ENY2: variants seen among roughly 807,000 people sequenced by gnomAD.
ENY2 encodes transcription and mRNA export factor ENY2.
ENY2 carries 4 observed loss-of-function variants against 15.9 expected under a neutral mutation model. The ratio of observed to expected loss-of-function variants is 0.25; its 90% CI spans 0.12 to 0.57. The LOEUF (loss-of-function observed/expected upper bound fraction) is 0.57. Ranked by LOEUF, ENY2 falls within the 20% of genes least tolerant of loss-of-function variation. The pLI is 0.91. For missense variants in ENY2, 54 were observed against 117.2 expected, an observed-to-expected ratio of 0.46 and a Z score of 2.49; for synonymous variants, 48 against 38.0, an observed-to-expected ratio of 1.26 and a Z score of -0.97.
At position 109,345,618 on chromosome 8, in the gene ENY2, A is replaced by G. The variant is rs928520406; in HGVS notation, c.*2137A>G. 1 of 151,696 alleles carries G rather than the reference A, an allele frequency of 6.6e-6. No individual in the cohort carries two copies. The highest frequency in any genetic ancestry group is 1.5e-5 in the Non-Finnish European group (1 of 68,032). The allele number at this position is 151,696 out of a possible 1,614,324, so 9.4% of individuals were successfully genotyped here. A position where few individuals can be genotyped will look rare whatever the true frequency, so the allele number is the denominator to read the frequency against. The stretch of plus-strand genomic sequence containing the variant: ...ACCTATTATCACAATGAAAACAATC[A>G]TAAATAGTACACAGGAAAGGTGAGA... On this transcript the variant is annotated 3_prime_UTR_variant, in exon 5 of 5. Coordinates refer to ENST00000521688, the MANE Select transcript of ENY2 (RefSeq NM_020189.6).
intron 2 of ENY2, 24 bp from the exon 3 acceptor site, chr8:109,339,296 T>A (rs759929832): frequency 6.2e-7 from 1 of 1,609,866 alleles, no homozygotes; most frequent in South Asian, 1.1e-5. Flanking sequence ...ATTGTTCAAT[T>A]TGAAAACACT....
At chr8:109,334,821 G>A (rs1275190041) in intron 1 of ENY2, 2 of 377,724 alleles carry the variant, frequency 5.3e-6, no homozygotes, top group East Asian at 1.0e-4. Flanking sequence ...ACGAGATCAA[G>A]TTCAATATTC....
At chr8:109,335,819 C>A in intron 1 of ENY2, 1 of 197,418 alleles carries the variant, frequency 5.1e-6, no homozygotes, top group East Asian at 1.1e-4. Context: ...CAAATTTTGC[C>A]TTTCCACTTT....
chr8:109,343,315 G>A, intron 4 of ENY2, 90 bp from the exon 5 acceptor site: 1 of 953,080 alleles, frequency 1.0e-6, no homozygotes, highest in Admixed American at 2.6e-5. Context: ...AAATTCTTAT[G>A]TTGTTTACCC....
At chr8:109,342,118 C>T (rs1403245300) in intron 4 of ENY2, among the ~76,000 whole-genome samples, 1 of 150,870 alleles carries the variant, frequency 6.6e-6, no homozygotes, top group Admixed American at 6.6e-5. Flanking sequence ...TTTTCCATTT[C>T]CCCAGAACAC....
At position 109,340,970 on chromosome 8, in the gene ENY2, A is replaced by C. The variant is rs192989966; in HGVS notation, c.229+407A>C. 3.9e-3 allele frequency among the ~76,000 whole-genome samples: 587 copies of C among 152,244 alleles called. 1 individual carries two copies. The highest frequency in any genetic ancestry group is 8.5e-3 in the Admixed American group (130 of 15,284). On this transcript the variant is annotated intron_variant, in intron 4 of 4. Transcript: ENST00000521688. ...CCTTTATCTCATTAAAAATTAATGA[A>C]GGTCTGTCTTAAATGTCTACTTAAG...
chr8:109,339,263 C>T, intron 2 of ENY2, 57 bp from the exon 3 acceptor site: 1 of 1,518,292 alleles, frequency 6.6e-7, no homozygotes, highest in South Asian at 1.1e-5. Context: ...TTGCTTCATA[C>T]ATTCCTGTCT....
chr8:109,334,594 G>A, intron 1 of ENY2, 120 bp downstream of exon 1: 4 of 1,273,396 alleles, frequency 3.1e-6, no homozygotes, highest in Non-Finnish European at 4.2e-6. Context: ...CTCTCCGACA[G>A]GGCGTGCTAC....
chr8:109,337,783 C>G, intron 2 of ENY2, among the ~76,000 whole-genome samples: 1 of 152,046 alleles, frequency 6.6e-6, no homozygotes, highest in East Asian at 1.9e-4. Context: ...GCTGTAGTCC[C>G]AGCTACTCAG....
chr8:109,335,949 A>T (rs989751862), intron 1 of ENY2, 179 bp from the exon 2 acceptor site: 49 of 509,028 alleles, frequency 9.6e-5, no homozygotes, highest in Non-Finnish European at 1.6e-4. Context: ...CCCACACTGC[A>T]TTAGCCCAGT....
intron 1 of ENY2, 114 bp from the exon 2 acceptor site, chr8:109,336,014 T>C: frequency 1.2e-6 from 1 of 866,902 alleles, no homozygotes. Context: ...ACACTTGAAA[T>C]GTATCACCCC....
chr8:109,340,671 T>C lies in ENY2; in HGVS notation c.229+108T>C. The C allele has an allele frequency of 2.1e-6, 3 of 1,403,722 alleles. No individual in the cohort carries two copies. The South Asian group carries it at 4.0e-5, about 19-fold the overall frequency. 87.0% of individuals were successfully genotyped at this position (1,403,722 alleles called of 1,614,324 possible). A position where few individuals can be genotyped will look rare whatever the true frequency, so the allele number is the denominator to read the frequency against. On this transcript the variant is annotated intron_variant, in intron 4 of 4. Coordinates refer to ENST00000521688, the MANE Select transcript of ENY2 (RefSeq NM_020189.6). ...TGTTTTTAAGGAAAAGCACTACCTG[T>C]GTTGCCTCTTGTAAAGAGTTAAAAT...
intron 3 of ENY2, chr8:109,339,737 T>A: frequency 5.3e-6 from 1 of 189,434 alleles, no homozygotes; most frequent in Non-Finnish European, 1.1e-5. Context: ...TAACAGTGAA[T>A]ATTTGAAAAA....
At chr8:109,340,651 T>G in intron 4 of ENY2, 88 bp downstream of exon 4, 1 of 1,546,788 alleles carries the variant, frequency 6.5e-7, no homozygotes, top group Non-Finnish European at 8.8e-7. Context: ...CTTTCTGTTT[T>G]TAAGGAAAAG....
intron 1 of ENY2, chr8:109,335,766 T>C (rs1009786906): frequency 1.2e-5 from 2 of 166,134 alleles, no homozygotes; most frequent in African/African-American, 4.8e-5. Context: ...TGATCGGCAG[T>C]TATGTTCAGT....
In ENY2 at chr8:109,345,650, G is replaced by A. The variant is rs532222480; in HGVS notation, c.*2169G>A. On this transcript the variant is annotated 3_prime_UTR_variant, in exon 5 of 5. Transcript: ENST00000521688. ...GTACACAGGAAAGGTGAGAAATAGC[G>A]GATAGTTCTTATTTCATAGTACTGT... 8.8e-4 allele frequency: 134 copies of A among 152,076 alleles called. 1 individual carries two copies. Among genetic ancestry groups the A allele is most frequent in the African/African-American group, 3.1e-3 (129 of 41,508 alleles). 9.4% of individuals were successfully genotyped at this position (152,076 alleles called of 1,614,324 possible).
rs1333899639 is a variant in ENY2 at position 109,345,219 on chromosome 8, T to A, written c.*1738T>A. 6.6e-6 allele frequency: 1 copy of A among 152,184 alleles called. No individual in the cohort carries two copies. The highest frequency in any genetic ancestry group is 1.5e-5 in the Non-Finnish European group (1 of 68,030). The allele number at this position is 152,184 out of a possible 1,614,324, so 9.4% of individuals were successfully genotyped here. On this transcript the variant is annotated 3_prime_UTR_variant, in exon 5 of 5. Transcript: ENST00000521688. ...CATAATTCCTCTTCAACACAGTAGTTCTTGAAATTTTGCAGGCCTCTCCTG... is the reference window on the plus strand; with the variant it reads ...CATAATTCCTCTTCAACACAGTAGTACTTGAAATTTTGCAGGCCTCTCCTG...
chr8:109,340,325 A>G (rs1176935878), intron 3 of ENY2, 164 bp from the exon 4 acceptor site: 2 of 934,192 alleles, frequency 2.1e-6, no homozygotes, highest in Non-Finnish European at 3.2e-6. Flanking sequence ...TTAGATCTAA[A>G]GAATACTTGA....
chr8:109,336,268 C>G, intron 2 of ENY2, 64 bp downstream of exon 2: 1 of 1,320,232 alleles, frequency 7.6e-7, no homozygotes, highest in Non-Finnish European at 1.1e-6. Flanking sequence ...TTGTAAGAAT[C>G]TAAACAAGAA....
Sources: allele counts gnomAD v4.1 joint callset (sites outside exome capture counted in the v4.1 genomes callset), GRCh38; gene constraint gnomAD v4.1.1; transcripts MANE v1.5; gene names NCBI Gene and HGNC (gene_info 2026-07-23, HGNC 2026-07-21).